The following CADPS2 variants were observed in gnomAD, a reference collection of about 807,000 sequenced individuals.
The protein encoded by CADPS2 is calcium-dependent secretion activator 2.
A neutral mutation model predicts 172.5 loss-of-function variants in CADPS2; 93 were observed. The ratio of observed to expected loss-of-function variants is 0.54; its 90% CI spans 0.46 to 0.64. The LOEUF (loss-of-function observed/expected upper bound fraction) is 0.64. CADPS2 is among the 30% of genes least tolerant of loss of function. The pLI is 0.00. For missense variants in CADPS2, 1,420 were observed against 1,565.9 expected, an observed-to-expected ratio of 0.91 and a Z score of 1.57; for synonymous variants, 546 against 555.2, an observed-to-expected ratio of 0.98 and a Z score of 0.23.
chr7:122,515,726 C>T (rs1338749256), intron 8 of CADPS2, among the ~76,000 whole-genome samples: 7 of 152,008 alleles, frequency 4.6e-5, no homozygotes, highest in African/African-American at 1.2e-4. Context: ...AGTGAAGGTC[C>T]TGCATAAAGA....
intron 6 of CADPS2, among the ~76,000 whole-genome samples, chr7:122,595,204 A>G (rs1238504489): frequency 6.6e-6 from 1 of 151,918 alleles, no homozygotes; most frequent in Non-Finnish European, 1.5e-5. Flanking sequence ...TTAATATATT[A>G]CCTTTTAAAG....
rs907396966 is a variant in CADPS2 at position 122,674,179 on chromosome 7, C to T, written c.454-10610G>A. On this transcript the variant is annotated intron_variant, in intron 2 of 29. Coordinates refer to ENST00000449022, the MANE Select transcript of CADPS2 (RefSeq NM_017954.11). The stretch of plus-strand genomic sequence containing the variant: ...AACTCACGCTGTCCTGCAAGCGCCC[C>T]GCACAGCCCCGGGTCCCCGCCCGCA... Among the ~76,000 whole-genome samples, 8 of 152,230 alleles carry T rather than the reference C, an allele frequency of 5.3e-5. No individual in the cohort carries two copies. In the South Asian group the frequency reaches 1.0e-3, roughly 20 times the overall value.
chr7:122,685,431 T>C (rs1298235075), intron 2 of CADPS2, among the ~76,000 whole-genome samples: 3 of 152,244 alleles, frequency 2.0e-5, no homozygotes, highest in Non-Finnish European at 1.5e-5. Context: ...CACTGTCTTC[T>C]GTCTTGCAGG....
chr7:122,767,429 C>A (rs1029668211), intron 1 of CADPS2, among the ~76,000 whole-genome samples: 3 of 151,980 alleles, frequency 2.0e-5, no homozygotes, highest in East Asian at 3.9e-4. Context: ...AGTATGCTAC[C>A]CTAACCCCTT....
At chr7:122,766,778 C>G (rs1777983835) in intron 1 of CADPS2, among the ~76,000 whole-genome samples, 1 of 152,128 alleles carries the variant, frequency 6.6e-6, no homozygotes, top group Non-Finnish European at 1.5e-5. Context: ...GACATCATAG[C>G]TGACAAGATA....
At chr7:122,500,465 T>C (rs1363426528) in intron 9 of CADPS2, among the ~76,000 whole-genome samples, 1 of 152,188 alleles carries the variant, frequency 6.6e-6, no homozygotes, top group African/African-American at 2.4e-5. Flanking sequence ...TACTCTTAAA[T>C]GTATCCTCTT....
At chr7:122,875,725 T>G (rs1821031563) in intron 1 of CADPS2, among the ~76,000 whole-genome samples, 1 of 152,086 alleles carries the variant, frequency 6.6e-6, no homozygotes, top group Non-Finnish European at 1.5e-5. Context: ...AAAAGTAAAA[T>G]CTGAAAAGAG....
chr7:122,724,746 T>C (rs1025698584), intron 2 of CADPS2, among the ~76,000 whole-genome samples: 27 of 152,074 alleles, frequency 1.8e-4, no homozygotes, highest in African/African-American at 5.3e-4. Flanking sequence ...ACCTTTTTTT[T>C]TCCCATGTGT....
chr7:122,830,568 GA>G (rs1300398419), intron 1 of CADPS2, among the ~76,000 whole-genome samples: 2 of 152,286 alleles, frequency 1.3e-5, no homozygotes, highest in East Asian at 3.9e-4. Context: ...AAAGGATAAT[GA>G]ATATTTTTCA....
At chr7:122,490,716 A>AAG (rs1270070880) in intron 10 of CADPS2, among the ~76,000 whole-genome samples, 2 of 152,038 alleles carry the variant, frequency 1.3e-5, no homozygotes, top group South Asian at 2.1e-4. Context: ...TCTTTCACAT[A>AAG]ATATTTTGCA....
chr7:122,609,596 TC>T (rs2074036916), intron 6 of CADPS2, among the ~76,000 whole-genome samples: 2 of 152,182 alleles, frequency 1.3e-5, no homozygotes, highest in Non-Finnish European at 2.9e-5. Context: ...TCACCGTTAC[TC>T]TTTGTAAATC....
Position 122,710,906 on chromosome 7 carries a change from T to C in CADPS2, c.453+26049A>G, listed in dbSNP as rs995673258. ...GATTCATTTTTTAAAAATCCTGTTTTCTCCCTTCTGTCTCTACACTAGCAC... is the reference window on the plus strand; with the variant it reads ...GATTCATTTTTTAAAAATCCTGTTTCCTCCCTTCTGTCTCTACACTAGCAC... On this transcript the variant is annotated intron_variant, in intron 2 of 29. Transcript: ENST00000449022. 6.6e-5 allele frequency among the ~76,000 whole-genome samples: 10 copies of C among 152,250 alleles called. No homozygotes were observed. In the East Asian group the frequency reaches 1.9e-3, roughly 29 times the overall value.
chr7:122,827,463 T>C (rs1263727656), intron 1 of CADPS2, among the ~76,000 whole-genome samples: 2 of 90,588 alleles, frequency 2.2e-5, no homozygotes, highest in Non-Finnish European at 4.3e-5. Context: ...AGAAACACTG[T>C]CTCTACTAAA....
At chr7:122,639,809 G>C (rs936491256) in intron 3 of CADPS2, among the ~76,000 whole-genome samples, 3 of 152,252 alleles carry the variant, frequency 2.0e-5, no homozygotes, top group African/African-American at 4.8e-5. Flanking sequence ...ATAAACATTG[G>C]AGATTTTAGG....
rs555940642 is a variant in CADPS2 at position 122,701,375 on chromosome 7, G to A, written c.453+35580C>T. The stretch of plus-strand genomic sequence containing the variant: ...AAACACCGCATGTTCTCACTCATAG[G>A]TGGGAATTGAACAATGAGAACACAT... On this transcript the variant is annotated intron_variant, in intron 2 of 29. Transcript: ENST00000449022. Among the ~76,000 whole-genome samples, 9 of 152,166 alleles carry A rather than the reference G, an allele frequency of 5.9e-5. No individual in the cohort carries two copies. The East Asian group carries it at 1.7e-3, about 30-fold the overall frequency.
At chr7:122,711,543 C>G (rs2088722300) in intron 2 of CADPS2, among the ~76,000 whole-genome samples, 1 of 152,152 alleles carries the variant, frequency 6.6e-6, no homozygotes, top group South Asian at 2.1e-4. Context: ...AGAATGCCTT[C>G]TATTTCTACC....
intron 7 of CADPS2, among the ~76,000 whole-genome samples, chr7:122,574,786 C>T (rs78967084): frequency 0.2 from 30,524 of 152,016 alleles, 3,264 homozygotes; most frequent in East Asian, 0.34. Context: ...CTATAACACA[C>T]AAATTTTTTT....
chr7:122,401,960 G>T (rs1431232731), intron 20 of CADPS2, among the ~76,000 whole-genome samples: 2 of 152,092 alleles, frequency 1.3e-5, no homozygotes, highest in African/African-American at 4.8e-5. Context: ...CATCTCCAAG[G>T]GTTCTCCAAG....
intron 2 of CADPS2, among the ~76,000 whole-genome samples, chr7:122,673,793 C>G (rs2082110316): frequency 6.6e-6 from 1 of 152,198 alleles, no homozygotes; most frequent in Non-Finnish European, 1.5e-5. Context: ...AGCTGCCCAC[C>G]AGTCCCGCAC....
Sources: gnomAD v4.1 joint callset for allele counts (sites outside exome capture counted in the v4.1 genomes callset) on GRCh38, gnomAD v4.1.1 for gene constraint, MANE v1.5 for transcripts, NCBI Gene and HGNC (gene_info 2026-07-23, HGNC 2026-07-21) for gene names.